RAD52: variants seen among roughly 807,000 people sequenced by gnomAD.
The protein encoded by RAD52 is DNA repair protein RAD52 homolog.
In RAD52, 47 loss-of-function variants were observed where a neutral mutation model predicts 55.5. The observed-to-expected ratio is 0.85, with a 90% CI of 0.67 to 1.08. The LOEUF (loss-of-function observed/expected upper bound fraction) is 1.08, where lower values mean the gene tolerates loss of function less well. Ranked by LOEUF, RAD52 falls within the 50% of genes least tolerant of loss-of-function variation. The pLI is 0.00. For synonymous variants in RAD52, 184 were observed against 198.9 expected (o/e 0.92, Z 0.63); for missense variants, 468 against 522.8 (o/e 0.90, Z 1.02).
In RAD52 at chr12:913,276, C is replaced by G; in HGVS notation, c.*115G>C. 1 of 823,486 alleles carries G rather than the reference C, an allele frequency of 1.2e-6. No individual in the cohort carries two copies. Among genetic ancestry groups the G allele is most frequent in the East Asian group, 2.4e-5 (1 of 40,836 alleles). 51.0% of individuals were successfully genotyped at this position (823,486 alleles called of 1,614,324 possible). A position where few individuals can be genotyped will look rare whatever the true frequency, so the allele number is the denominator to read the frequency against. Reference sequence around the variant, plus strand: ...CCTCTTGATAAGGTTCAGAATGAAGCAAGATAAATCGCAATGACGTTCATT... The same window carrying G: ...CCTCTTGATAAGGTTCAGAATGAAGGAAGATAAATCGCAATGACGTTCATT... On this transcript the variant is annotated 3_prime_UTR_variant, in exon 12 of 12. Transcript: ENST00000358495.
intron 1 of RAD52, among the ~76,000 whole-genome samples, chr12:941,790 C>CCA (rs940122715): frequency 4.6e-5 from 7 of 151,946 alleles, no homozygotes; most frequent in African/African-American, 1.4e-4. Flanking sequence ...GCACCTGCCA[C>CCA]CACACCTGGC....
At chr12:918,243 C>T (rs1956515744) in intron 7 of RAD52, among the ~76,000 whole-genome samples, 1 of 152,318 alleles carries the variant, frequency 6.6e-6, no homozygotes, top group East Asian at 1.9e-4. Flanking sequence ...TTGCCACATA[C>T]TCATGCAAAA....
intron 1 of RAD52, among the ~76,000 whole-genome samples, chr12:943,092 A>G (rs141907360): frequency 6.6e-6 from 1 of 152,360 alleles, no homozygotes; most frequent in East Asian, 1.9e-4. Context: ...GCTAAACACC[A>G]TTAGTGACTG....
At chr12:964,901 T>C in intron 1 of RAD52, among the ~76,000 whole-genome samples, 1 of 151,922 alleles carries the variant, frequency 6.6e-6, no homozygotes, top group South Asian at 2.1e-4. Context: ...TTTTCAATAT[T>C]CAATATTTTG....
chr12:928,386 G>A (rs761959468), intron 5 of RAD52, among the ~76,000 whole-genome samples: 6 of 151,942 alleles, frequency 3.9e-5, no homozygotes, highest in Admixed American at 6.6e-5. Context: ...GCGGGGTGGC[G>A]CATGCCTGTA....
At chr12:937,698 C>CTA in intron 1 of RAD52, among the ~76,000 whole-genome samples, 1 of 152,018 alleles carries the variant, frequency 6.6e-6, no homozygotes, top group East Asian at 1.9e-4. Flanking sequence ...AGTGCTGGGA[C>CTA]TACAGGTGTG....
chr12:916,170 A>C (rs1956359126), intron 9 of RAD52, 174 bp downstream of exon 9: 2 of 1,369,006 alleles, frequency 1.5e-6, no homozygotes, highest in Admixed American at 3.3e-5. Context: ...AATGTACAGC[A>C]GATTTAAATA....
intron 10 of RAD52, 135 bp from the exon 11 acceptor site, chr12:914,256 C>T: frequency 3.1e-6 from 4 of 1,284,322 alleles, no homozygotes; most frequent in Non-Finnish European, 3.2e-6. Context: ...CTCCCCTCCC[C>T]CTAAAAGTAC....
chr12:937,043 A>G (rs1022021800), intron 1 of RAD52, among the ~76,000 whole-genome samples: 5 of 152,164 alleles, frequency 3.3e-5, no homozygotes, highest in African/African-American at 4.8e-5. Flanking sequence ...CCACACATGC[A>G]CAACCTAGAA....
chr12:914,158 A>G (rs2154107573), intron 10 of RAD52, 37 bp from the exon 11 acceptor site: 1 of 1,562,186 alleles, frequency 6.4e-7, no homozygotes. Context: ...ATCAGCAAAT[A>G]ATGAAGTATT....
chr12:935,827 T>G (rs1957585444), intron 1 of RAD52, among the ~76,000 whole-genome samples: 1 of 151,336 alleles, frequency 6.6e-6, no homozygotes, highest in African/African-American at 2.4e-5. Flanking sequence ...CACTCCCGCC[T>G]GGGAAACAAG....
chr12:966,635 C>T (rs1307887758), intron 1 of RAD52, among the ~76,000 whole-genome samples: 1 of 151,788 alleles, frequency 6.6e-6, no homozygotes, highest in South Asian at 2.1e-4. Context: ...CAACTTTTTC[C>T]CTTTTTTCCT....
chr12:918,654 T>C (rs896494709), intron 7 of RAD52, among the ~76,000 whole-genome samples: 3 of 152,112 alleles, frequency 2.0e-5, no homozygotes, highest in African/African-American at 7.2e-5. Flanking sequence ...AAGCAATCCT[T>C]CTTCCTTGGC....
intron 2 of RAD52, among the ~76,000 whole-genome samples, chr12:931,879 C>T (rs1957343100): frequency 1.3e-5 from 2 of 152,208 alleles, no homozygotes; most frequent in Non-Finnish European, 2.9e-5. Context: ...CCTGCACAAA[C>T]AGAAACACAC....
intron 7 of RAD52, among the ~76,000 whole-genome samples, chr12:923,495 G>A (rs1205766536): frequency 6.6e-6 from 1 of 151,514 alleles, no homozygotes; most frequent in African/African-American, 2.4e-5. Flanking sequence ...AGGAGTGCAA[G>A]GATGCAGTGA....
chr12:966,515 T>C (rs1355474765), intron 1 of RAD52, among the ~76,000 whole-genome samples: 1 of 152,078 alleles, frequency 6.6e-6, no homozygotes, highest in African/African-American at 2.4e-5. Context: ...AAAAGATAAC[T>C]TGTTTAAGCC....
intron 1 of RAD52, among the ~76,000 whole-genome samples, chr12:945,986 G>A (rs1033212024): frequency 2.6e-5 from 4 of 151,826 alleles, no homozygotes; most frequent in Admixed American, 2.0e-4. Context: ...TCACGCCACC[G>A]CACTCCAGCC....
chr12:989,011 G>T (rs1407140548), intron 1 of RAD52, among the ~76,000 whole-genome samples: 4 of 152,132 alleles, frequency 2.6e-5, no homozygotes, highest in Admixed American at 2.6e-4. Context: ...TATTGTGCTA[G>T]AATAAAGAAT....
At chr12:915,303 A>G (rs1245993632) in intron 9 of RAD52, among the ~76,000 whole-genome samples, 1 of 152,166 alleles carries the variant, frequency 6.6e-6, no homozygotes, top group Non-Finnish European at 1.5e-5. Context: ...ACCTGCAATA[A>G]CTCAACAGTA....
Sources: allele counts gnomAD v4.1 joint callset (sites outside exome capture counted in the v4.1 genomes callset), GRCh38; gene constraint gnomAD v4.1.1; transcripts MANE v1.5; gene names NCBI Gene and HGNC (gene_info 2026-07-23, HGNC 2026-07-21).